The following ARID1B variants were observed in gnomAD, a reference collection of about 807,000 sequenced individuals.
ARID1B encodes AT-rich interaction domain 1B.
In ARID1B, 30 loss-of-function variants were observed where a neutral mutation model predicts 212.3. That is an observed-to-expected ratio of 0.14 (90% CI 0.11 to 0.19). The LOEUF is 0.19. Among genes scored for constraint, ARID1B ranks in the 10% least tolerant of loss-of-function variants. ARID1B has a pLI of 1.00. For missense variants in ARID1B, 2,891 were observed against 3,204.0 expected, an observed-to-expected ratio of 0.90 and a Z score of 2.36; for synonymous variants, 1,402 against 1,301.7, an observed-to-expected ratio of 1.08 and a Z score of -1.66.
intron 1 of ARID1B, among the ~76,000 whole-genome samples, chr6:156,804,335 C>CA (rs369681489): frequency 1.3e-3 from 160 of 120,436 alleles, no homozygotes; most frequent in African/African-American, 4.5e-3. Flanking sequence ...GACTCCGTCT[C>CA]AAAAAAAAAG....
chr6:157,112,600 A>G (rs1653241850), intron 6 of ARID1B, among the ~76,000 whole-genome samples: 1 of 152,226 alleles, frequency 6.6e-6, no homozygotes, highest in Non-Finnish European at 1.5e-5. Flanking sequence ...TACTAAGAAG[A>G]AAACAAAGAG....
chr6:156,871,552 A>G (rs1786128794), intron 2 of ARID1B: 5 of 1,483,740 alleles, frequency 3.4e-6, no homozygotes, highest in Non-Finnish European at 4.7e-6. Flanking sequence ...CAGGGCCAAG[A>G]TGGGAATCCT....
Position 157,206,894 on chromosome 6 carries a change from T to G in ARID1B, c.6122T>G (p.Leu2041Arg). ...GCCAAAAGTCACCGGAACATCAAGC[T>G]GCTGGAGGACGAGCCCAGGAGCCGA... Reference protein sequence around the residue: ...QQAKSHRNIKLLEDEPRSRDE... With the variant: ...QQAKSHRNIKRLEDEPRSRDE... Residue 2041 changes from leucine (L) to arginine (R), a missense_variant, in exon 20 of 20, where the codon CTG (leucine) becomes CGG (arginine). By Grantham distance (102) the Leu-to-Arg change is moderately radical (BLOSUM62 -2). Coordinates refer to ENST00000636930, the MANE Select transcript of ARID1B (RefSeq NM_001374828.1). This position sits in a 1 kb window ranked among gnomAD's most constrained non-coding sequence, Gnocchi z 6.8. 6.2e-7 allele frequency: 1 copy of G among 1,614,170 alleles called. No individual in the cohort carries two copies. The highest frequency in any genetic ancestry group is 8.5e-7 in the Non-Finnish European group (1 of 1,180,034).
In ARID1B at chr6:156,875,496, G is replaced by T. The variant is rs73790929; in HGVS notation, c.1987-25880G>T. Among the ~76,000 whole-genome samples, 1,046 of 152,324 alleles carry T rather than the reference G, an allele frequency of 6.9e-3. 14 individuals are homozygous for T. The highest frequency in any genetic ancestry group is 0.024 in the African/African-American group (1,010 of 41,576). ...GTGAGAAAGTTTTCATTGACCAGCT[G>T]TATTCGATTCTGGATTAATGTTTTT... is the stretch of plus-strand genomic sequence containing the variant. On this transcript the variant is annotated intron_variant, in intron 2 of 19. Coordinates refer to ENST00000636930, the MANE Select transcript of ARID1B (RefSeq NM_001374828.1).
At chr6:156,824,827 G>T (rs1170068459) in intron 1 of ARID1B, among the ~76,000 whole-genome samples, 1 of 151,978 alleles carries the variant, frequency 6.6e-6, no homozygotes, top group Non-Finnish European at 1.5e-5. Context: ...ATGAGAAGCA[G>T]CTTGGCCCTT....
chr6:156,949,364 G>A (rs1299622400), intron 4 of ARID1B, among the ~76,000 whole-genome samples: 1 of 152,162 alleles, frequency 6.6e-6, no homozygotes, highest in African/African-American at 2.4e-5. Flanking sequence ...ACTCCACCTA[G>A]AGTACTTTGC....
In ARID1B at chr6:157,208,878, A is replaced by C. The variant is rs1474184582; in HGVS notation, c.*987A>C. On this transcript the variant is annotated 3_prime_UTR_variant, in exon 20 of 20. Transcript: ENST00000636930. ...AAGAAAAAATACAAAAAACAAAAAC[A>C]AAAAAAAAAGAGGGTAATGTACAAG... 5.1e-6 allele frequency: 1 copy of C among 197,506 alleles called. No homozygotes were observed. The highest frequency in any genetic ancestry group is 1.0e-5 in the Non-Finnish European group (1 of 98,824). The allele number at this position is 197,506 out of a possible 1,614,324, so 12.2% of individuals were successfully genotyped here.
At chr6:156,962,155 C>T (rs1395379211) in intron 4 of ARID1B, among the ~76,000 whole-genome samples, 4 of 151,998 alleles carry the variant, frequency 2.6e-5, no homozygotes, top group Admixed American at 6.6e-5. Context: ...AAAAATTAGC[C>T]GGGCGTGGTG....
In ARID1B at chr6:157,198,746, T is replaced by G. The variant is rs1793911656; in HGVS notation, c.4383-65T>G. Reference sequence around the variant, plus strand: ...GGGAGTCAGGGTTCCAGAAATGGATTGTTTATTTCTCTGTTTGCCTGAAGC... The same window carrying G: ...GGGAGTCAGGGTTCCAGAAATGGATGGTTTATTTCTCTGTTTGCCTGAAGC... On this transcript the variant is annotated intron_variant, in intron 16 of 19. Coordinates refer to ENST00000636930, the MANE Select transcript of ARID1B (RefSeq NM_001374828.1). 2.2e-6 allele frequency: 3 copies of G among 1,358,632 alleles called. No individual in the cohort carries two copies. The African/African-American group carries it at 4.3e-5, about 19-fold the overall frequency. 84.2% of individuals were successfully genotyped at this position (1,358,632 alleles called of 1,614,324 possible).
chr6:157,173,918 T>C (rs1791895608), intron 9 of ARID1B, 90 bp from the exon 10 acceptor site: 5 of 1,107,780 alleles, frequency 4.5e-6, no homozygotes, highest in Admixed American at 2.1e-5. Flanking sequence ...TGCAAGGGCC[T>C]CCTGCTTCAC....
intron 1 of ARID1B, among the ~76,000 whole-genome samples, chr6:156,810,544 A>G (rs1366776767): frequency 2.0e-5 from 3 of 152,254 alleles, no homozygotes; most frequent in Non-Finnish European, 4.4e-5. Context: ...CAGAAGACAC[A>G]TAAACAGACA....
chr6:157,152,448 A>G (rs1394266547), intron 8 of ARID1B: 1 of 152,220 alleles, frequency 6.6e-6, no homozygotes, highest in Non-Finnish European at 1.5e-5. Context: ...AAATCTTATA[A>G]AGCACACTTG....
chr6:156,962,938 C>T (rs1186661487), intron 4 of ARID1B, among the ~76,000 whole-genome samples: 1 of 115,662 alleles, frequency 8.6e-6, no homozygotes, highest in Admixed American at 8.3e-5. Context: ...TGCGCCACCA[C>T]GGCCAGCTAT....
chr6:156,883,697 T>C (rs912549362), intron 2 of ARID1B, among the ~76,000 whole-genome samples: 3 of 152,114 alleles, frequency 2.0e-5, no homozygotes, highest in Non-Finnish European at 4.4e-5. Flanking sequence ...CTCTTCACCT[T>C]TCCTTGCTTT....
chr6:157,044,616 A>T (rs1782105337), intron 4 of ARID1B, among the ~76,000 whole-genome samples: 1 of 152,228 alleles, frequency 6.6e-6, no homozygotes, highest in Admixed American at 6.5e-5. Context: ...GAATTGTGTT[A>T]AAAGTCCATT....
intron 4 of ARID1B, among the ~76,000 whole-genome samples, chr6:156,951,835 T>C (rs890654700): frequency 2.6e-5 from 4 of 152,154 alleles, no homozygotes; most frequent in East Asian, 1.9e-4. Flanking sequence ...CTTTTGAAAA[T>C]AGTGAATAAT....
At chr6:157,106,895 T>C (rs1259772999) in intron 5 of ARID1B, among the ~76,000 whole-genome samples, 1 of 152,178 alleles carries the variant, frequency 6.6e-6, no homozygotes, top group Non-Finnish European at 1.5e-5. Context: ...AGGGGAAATA[T>C]AGAATCACCG....
intron 4 of ARID1B, chr6:157,036,570 C>A: frequency 3.4e-6 from 1 of 296,326 alleles, no homozygotes; most frequent in South Asian, 3.2e-5. Flanking sequence ...TGAGGAACTT[C>A]AACCACTACG....
intron 1 of ARID1B, among the ~76,000 whole-genome samples, chr6:156,808,352 C>T (rs1266662895): frequency 6.6e-6 from 1 of 152,076 alleles, no homozygotes. Context: ...GTATGGTACT[C>T]AATAGGTATT....
Sources: gnomAD v4.1 joint callset for allele counts (sites outside exome capture counted in the v4.1 genomes callset) on GRCh38, gnomAD v4.1.1 for gene constraint, Gnocchi (gnomAD v3.1) non-coding constraint, MANE v1.5 for transcripts, NCBI Gene and HGNC (gene_info 2026-07-23, HGNC 2026-07-21) for gene names.